CSMD1: variants seen among roughly 807,000 people sequenced by gnomAD.
CSMD1 encodes the protein CUB and Sushi multiple domains 1.
Under a neutral mutation model 417.5 loss-of-function variants are expected in CSMD1, and 213 were observed. That is an observed-to-expected ratio of 0.51 (90% CI 0.46 to 0.57). The LOEUF is 0.57. Among genes scored for constraint, CSMD1 ranks in the 20% least tolerant of loss-of-function variants. The pLI, the probability that CSMD1 is intolerant of heterozygous loss-of-function variation, is 0.00. For synonymous variants in CSMD1, 2,862 were observed against 1,736.8 expected, an observed-to-expected ratio of 1.65 and a Z score of -16.11; for missense variants, 6,923 against 4,529.7, an observed-to-expected ratio of 1.53 and a Z score of -15.17.
At chr8:4,253,982 T>C (rs559280426) in intron 3 of CSMD1, among the ~76,000 whole-genome samples, 45 of 146,306 alleles carry the variant, frequency 3.1e-4, no homozygotes, top group Non-Finnish European at 5.1e-4. Flanking sequence ...AGTGGTGCGA[T>C]CTCGGCTCAC....
chr8:4,222,497 G>T (rs769677329), intron 3 of CSMD1, among the ~76,000 whole-genome samples: 1 of 152,072 alleles, frequency 6.6e-6, no homozygotes. Flanking sequence ...CAATAATATA[G>T]TTGTTAATAT....
chr8:4,604,381 T>TTTTG (rs1554522664), intron 2 of CSMD1, among the ~76,000 whole-genome samples: 7 of 91,626 alleles, frequency 7.6e-5, no homozygotes, highest in Admixed American at 2.2e-4. Flanking sequence ...ACAAATAGCA[T>TTTTG]TGTGTGTGTG....
chr8:3,407,797 G>A (rs967658574), intron 14 of CSMD1, 102 bp downstream of exon 14: 4 of 982,686 alleles, frequency 4.1e-6, no homozygotes, highest in Middle Eastern at 2.3e-4. Flanking sequence ...TAAAACCTCT[G>A]AAGTATCAAC....
chr8:4,233,283 C>G (rs954000943), intron 3 of CSMD1, among the ~76,000 whole-genome samples: 1 of 152,218 alleles, frequency 6.6e-6, no homozygotes, highest in Non-Finnish European at 1.5e-5. Context: ...GAAGTGCCCA[C>G]TCTCCGCCAG....
intron 10 of CSMD1, among the ~76,000 whole-genome samples, chr8:3,565,166 A>C (rs1159277353): frequency 7.9e-6 from 1 of 126,314 alleles, no homozygotes; most frequent in African/African-American, 2.8e-5. Context: ...AAAAAGAGAG[A>C]GATCAAGAAA....
chr8:4,865,997 C>T (rs79080563), intron 1 of CSMD1, among the ~76,000 whole-genome samples: 1,753 of 151,896 alleles, frequency 0.012, 45 homozygotes, highest in African/African-American at 0.04. Context: ...AACTTAATAG[C>T]AACATCTAAA....
At position 3,387,608 on chromosome 8, in the gene CSMD1, C is replaced by G; in HGVS notation, c.2668G>C (p.Gly890Arg). ...CTGAAAGTCACTGTGGACCTGATGC[C>G]AAAGTCTCCACCGTGGCGATGGCCG... ...VNGHRHGGDF[G>R]IRSTVTFSCD... Residue 890 changes from glycine (G) to arginine (R), a missense_variant, in exon 18 of 70, where the codon GGC becomes CGC. Transcript: ENST00000635120. 1 of 1,601,480 alleles carries G rather than the reference C, an allele frequency of 6.2e-7. No homozygotes were observed. Among genetic ancestry groups the G allele is most frequent in the Non-Finnish European group, 8.5e-7 (1 of 1,173,904 alleles).
intron 3 of CSMD1, among the ~76,000 whole-genome samples, chr8:4,113,403 T>C (rs1355713256): frequency 2.7e-5 from 4 of 147,090 alleles, no homozygotes; most frequent in Admixed American, 2.7e-4. Flanking sequence ...TTTTTTTTTT[T>C]TTTTTTTTTT....
intron 3 of CSMD1, among the ~76,000 whole-genome samples, chr8:4,252,224 T>C (rs1228288843): frequency 3.9e-5 from 6 of 152,144 alleles, no homozygotes; most frequent in Admixed American, 2.0e-4. Flanking sequence ...TAAACAGGCA[T>C]AGACGTTTTC....
intron 1 of CSMD1, among the ~76,000 whole-genome samples, chr8:4,883,922 G>C (rs1316907304): frequency 2.0e-5 from 3 of 152,000 alleles, no homozygotes; most frequent in African/African-American, 7.3e-5. Context: ...GTTTTCCAAA[G>C]AGATTGCAAT....
chr8:3,953,024 G>C lies in CSMD1; in HGVS notation c.818+44879C>G, dbSNP rs2740859. ...ATTATTTAAAAAAATACATGAGAAGGTTTACTAAAGACAAAATTATAATCA... is the reference window on the plus strand; with the variant it reads ...ATTATTTAAAAAAATACATGAGAAGCTTTACTAAAGACAAAATTATAATCA... On this transcript the variant is annotated intron_variant, in intron 5 of 69. Transcript: ENST00000635120. Among the ~76,000 whole-genome samples the C allele has an allele frequency of 3.3e-5, 5 of 152,014 alleles. No homozygotes were observed. In the East Asian group the frequency reaches 9.7e-4, roughly 29 times the overall value.
intron 5 of CSMD1, among the ~76,000 whole-genome samples, chr8:3,832,461 T>G (rs1303937438): frequency 6.6e-6 from 1 of 152,214 alleles, no homozygotes; most frequent in Non-Finnish European, 1.5e-5. Context: ...AAGATAAGAT[T>G]TTTTGTTTCT....
chr8:4,663,200 C>A (rs1247403727), intron 1 of CSMD1, among the ~76,000 whole-genome samples: 1 of 152,154 alleles, frequency 6.6e-6, no homozygotes, highest in Non-Finnish European at 1.5e-5. Flanking sequence ...CTTGGCAAGA[C>A]AAGCCTGAGA....
At chr8:4,401,416 T>A (rs796364542) in intron 3 of CSMD1, among the ~76,000 whole-genome samples, 2 of 152,152 alleles carry the variant, frequency 1.3e-5, no homozygotes, top group East Asian at 3.9e-4. Context: ...CACAACTATT[T>A]TATATTATTT....
rs532459854 is a variant in CSMD1 at position 3,503,405 on chromosome 8, T to C, written c.1345-9679A>G. 2.6e-5 allele frequency among the ~76,000 whole-genome samples: 4 copies of C among 152,364 alleles called. No homozygotes were observed. In the East Asian group the frequency reaches 5.8e-4, roughly 22 times the overall value. On this transcript the variant is annotated intron_variant, in intron 10 of 69. Coordinates refer to ENST00000635120, the MANE Select transcript of CSMD1 (RefSeq NM_033225.6). ...TACAAAAAGTCAAAGCTGCTAGTGA[T>C]TCAGGGTGGGAAATAAAGTTTGCAC...
In CSMD1 at chr8:3,612,493, C is replaced by A. The variant is rs77859442; in HGVS notation, c.1097+4217G>T. ...TTATGGAACACTTCACCCAACAACA[C>A]TAAAATATGTGTTATTTTCAAGTGG... On this transcript the variant is annotated intron_variant, in intron 8 of 69. Transcript: ENST00000635120. Among the ~76,000 whole-genome samples the A allele has an allele frequency of 1.2e-4, 18 of 152,218 alleles. No individual in the cohort carries two copies. In the East Asian group the frequency reaches 3.1e-3, roughly 26 times the overall value.
intron 12 of CSMD1, among the ~76,000 whole-genome samples, chr8:3,451,340 T>G (rs140730031): frequency 0.015 from 2,255 of 152,322 alleles, 52 homozygotes; most frequent in African/African-American, 0.052. Context: ...TGTGTCAATT[T>G]TGGCTTTTGT....
intron 52 of CSMD1, among the ~76,000 whole-genome samples, chr8:3,005,692 G>A (rs899768713): frequency 2.6e-5 from 4 of 152,178 alleles, no homozygotes; most frequent in African/African-American, 9.7e-5. Flanking sequence ...CTCGATAGAT[G>A]CAGAAAAGGC....
At chr8:4,543,245 A>C (rs1319874966) in intron 2 of CSMD1, among the ~76,000 whole-genome samples, 1 of 152,144 alleles carries the variant, frequency 6.6e-6, no homozygotes, top group Non-Finnish European at 1.5e-5. Context: ...CCATTACAGA[A>C]TCACATCTGA....
Sources: allele counts gnomAD v4.1 joint callset (sites outside exome capture counted in the v4.1 genomes callset), GRCh38; gene constraint gnomAD v4.1.1; transcripts MANE v1.5; gene names NCBI Gene and HGNC (gene_info 2026-07-23, HGNC 2026-07-21).